Variants in PPFIA2 observed in about 807,000 individuals in gnomAD.
PPFIA2 encodes the protein PPFI scaffold protein A2, also known as liprin-alpha-2.
PPFIA2 carries 46 observed loss-of-function variants against 175.5 expected under a neutral mutation model. That is an observed-to-expected ratio of 0.26 (90% CI 0.21 to 0.34). The LOEUF (loss-of-function observed/expected upper bound fraction) is 0.34. PPFIA2 is among the 10% of genes least tolerant of loss of function. The pLI, the probability that PPFIA2 is intolerant of heterozygous loss-of-function variation, is 1.00. For missense variants in PPFIA2, 1,179 were observed against 1,506.1 expected, an observed-to-expected ratio of 0.78 and a Z score of 3.60; for synonymous variants, 568 against 511.4, an observed-to-expected ratio of 1.11 and a Z score of -1.49.
At chr12:81,381,357 G>T (rs1291913793) in intron 9 of PPFIA2, among the ~76,000 whole-genome samples, 2 of 151,998 alleles carry the variant, frequency 1.3e-5, no homozygotes, top group African/African-American at 4.8e-5. Context: ...CATCTGACTG[G>T]GTGTTTTGTT....
chr12:81,362,699 A>G lies in PPFIA2; in HGVS notation c.1631T>C (p.Ile544Thr), dbSNP rs749257843. ...GCTTTTAGTTTAATGTTACCTTGGTATTGTGGGTTCAATTAAAGAGCCAGT... is the reference window on the plus strand; with the variant it reads ...GCTTTTAGTTTAATGTTACCTTGGTGTTGTGGGTTCAATTAAAGAGCCAGT... ...MRTGSLIEPT[I>T]PRTHLDTSAE... Residue 544 changes from isoleucine (I) to threonine (T), a missense_variant, in exon 15 of 33, where the codon ATA becomes ACA. This residue lies in a region of PPFIA2 where 186 missense variants were observed against 163.6 expected (regional missense o/e 1.14). Coordinates refer to ENST00000549396, the MANE Select transcript of PPFIA2 (RefSeq NM_003625.5). 6.5e-7 allele frequency: 1 copy of G among 1,540,876 alleles called. No homozygotes were observed. The highest frequency in any genetic ancestry group is 2.0e-5 in the Admixed American group (1 of 50,816).
chr12:81,395,686 G>A (rs1364674045), intron 8 of PPFIA2, among the ~76,000 whole-genome samples: 1 of 152,000 alleles, frequency 6.6e-6, no homozygotes, highest in African/African-American at 2.4e-5. Flanking sequence ...ATTGGGAGTC[G>A]TCATGCCAAG....
chr12:81,458,217 C>T (rs1345381745), intron 4 of PPFIA2, among the ~76,000 whole-genome samples: 4 of 152,062 alleles, frequency 2.6e-5, no homozygotes, highest in South Asian at 4.1e-4. Context: ...ACTTTAATTC[C>T]TATACAGCAA....
intron 7 of PPFIA2, among the ~76,000 whole-genome samples, chr12:81,436,823 C>T (rs879634682): frequency 5.9e-5 from 9 of 152,080 alleles, no homozygotes; most frequent in Admixed American, 1.3e-4. Context: ...TATCACTGGG[C>T]TTGTGAATTT....
intron 4 of PPFIA2, among the ~76,000 whole-genome samples, chr12:81,642,834 G>GTACATGTATGTATA (rs2065482731): frequency 6.1e-5 from 2 of 32,922 alleles, no homozygotes; most frequent in African/African-American, 2.6e-4. Context: ...ATGTATGTAT[G>GTACATGTATGTATA]TATTACATAC....
chr12:81,355,672 G>A (rs2060758731), intron 16 of PPFIA2, among the ~76,000 whole-genome samples: 2 of 152,140 alleles, frequency 1.3e-5, no homozygotes, highest in Non-Finnish European at 2.9e-5. Flanking sequence ...GCTTCACCTT[G>A]CACTTTTATG....
intron 23 of PPFIA2, among the ~76,000 whole-genome samples, chr12:81,296,316 C>T (rs776251640): frequency 3.3e-5 from 5 of 152,086 alleles, no homozygotes; most frequent in Admixed American, 6.6e-5. Flanking sequence ...GAAACTCTGT[C>T]TCAAAAAAGA....
intron 7 of PPFIA2, among the ~76,000 whole-genome samples, chr12:81,433,280 G>A (rs528766498): frequency 3.3e-5 from 5 of 152,182 alleles, no homozygotes; most frequent in African/African-American, 1.2e-4. Flanking sequence ...TTAAATCATA[G>A]CCTTCCTTCA....
intron 4 of PPFIA2, chr12:81,598,087 G>C: frequency 6.5e-7 from 1 of 1,533,410 alleles, no homozygotes; most frequent in Non-Finnish European, 8.7e-7. Flanking sequence ...AGAGCAGAGA[G>C]CTTAGCGTAC....
At chr12:81,321,647 C>A (rs1412428616) in intron 22 of PPFIA2, among the ~76,000 whole-genome samples, 31 of 152,062 alleles carry the variant, frequency 2.0e-4, no homozygotes, top group Admixed American at 2.0e-3. Context: ...TTTACCTAAG[C>A]CATGCTCTAC....
intron 4 of PPFIA2, among the ~76,000 whole-genome samples, chr12:81,581,085 G>A (rs1245178507): frequency 1.3e-5 from 2 of 151,596 alleles, no homozygotes; most frequent in East Asian, 3.9e-4. Context: ...GTAGAAAATG[G>A]GGAAAGGATG....
At chr12:81,663,611 G>A (rs2153552760) in intron 4 of PPFIA2, among the ~76,000 whole-genome samples, 1 of 152,244 alleles carries the variant, frequency 6.6e-6, no homozygotes, top group South Asian at 2.1e-4. Flanking sequence ...TGGCCATACT[G>A]CCCAAGGGAA....
chr12:81,493,069 TAAG>T (rs1227980756), intron 4 of PPFIA2, among the ~76,000 whole-genome samples: 1 of 151,914 alleles, frequency 6.6e-6, no homozygotes, highest in Non-Finnish European at 1.5e-5. Context: ...AGCTGGAACA[TAAG>T]AAGAGAGATT....
intron 7 of PPFIA2, chr12:81,431,272 G>C (rs141888292): frequency 6.6e-6 from 1 of 152,274 alleles, no homozygotes; most frequent in East Asian, 1.9e-4. Context: ...TGATAAAAGA[G>C]AACACATTGT....
intron 7 of PPFIA2, among the ~76,000 whole-genome samples, chr12:81,422,196 TG>T (rs2046401410): frequency 6.6e-6 from 1 of 150,472 alleles, no homozygotes; most frequent in Non-Finnish European, 1.5e-5. Context: ...AGATCTCAGA[TG>T]AAAACGAGAA....
intron 3 of PPFIA2, among the ~76,000 whole-genome samples, chr12:81,709,067 A>T (rs182890927): frequency 3.9e-5 from 6 of 152,300 alleles, no homozygotes. Context: ...TACCAGAGCC[A>T]TCGGACTGCC....
At chr12:81,350,381 C>T (rs905226914) in intron 17 of PPFIA2, 2 of 152,122 alleles carry the variant, frequency 1.3e-5, no homozygotes, top group Non-Finnish European at 2.9e-5. Flanking sequence ...ACATTTCTTG[C>T]TCCTGTATAA....
At chr12:81,386,320 T>A (rs549024589) in intron 8 of PPFIA2, among the ~76,000 whole-genome samples, 6 of 131,248 alleles carry the variant, frequency 4.6e-5, no homozygotes, top group East Asian at 2.1e-4. Flanking sequence ...AATAAATAAA[T>A]AAGAAAAGAA....
chr12:81,363,703 G>A (rs950133140), intron 14 of PPFIA2, among the ~76,000 whole-genome samples: 1 of 150,944 alleles, frequency 6.6e-6, no homozygotes, highest in Admixed American at 6.6e-5. Context: ...TTCTCACTAC[G>A]TCACTACCAT....
Sources: gnomAD v4.1 joint callset for allele counts (sites outside exome capture counted in the v4.1 genomes callset) on GRCh38, gnomAD v4.1.1 for gene constraint, gnomAD v4.1.1 regional missense constraint, MANE v1.5 for transcripts, NCBI Gene and HGNC (gene_info 2026-07-23, HGNC 2026-07-21) for gene names.